Variants in ERCC6L2 observed in about 807,000 individuals in gnomAD.
ERCC6L2 encodes the protein ERCC excision repair 6 like 2, also known as DNA excision repair protein ERCC-6-like 2.
In ERCC6L2, 77 loss-of-function variants were observed where a neutral mutation model predicts 132.0. The ratio of observed to expected loss-of-function variants is 0.58; its 90% confidence interval spans 0.49 to 0.71. The LOEUF (loss-of-function observed/expected upper bound fraction) is 0.71, where lower values mean the gene tolerates loss of function less well. ERCC6L2 is among the 30% of genes least tolerant of loss of function. ERCC6L2 has a pLI of 0.00. For synonymous variants in ERCC6L2, 583 were observed against 632.4 expected (o/e 0.92, Z 1.17); for missense variants, 1,542 against 1,837.6 (o/e 0.84, Z 2.94).
intron 2 of ERCC6L2, among the ~76,000 whole-genome samples, chr9:95,882,823 G>A (rs1008266317): frequency 6.6e-6 from 1 of 152,128 alleles, no homozygotes; most frequent in African/African-American, 2.4e-5. Context: ...CACACTGGAC[G>A]TGCTAAATGA....
chr9:95,906,460 A>G (rs1031774255), intron 3 of ERCC6L2: 2 of 337,218 alleles, frequency 5.9e-6, no homozygotes, highest in South Asian at 2.3e-5. Context: ...GGAGAAGAAC[A>G]TGAGCAGCGT....
intron 17 of ERCC6L2, among the ~76,000 whole-genome samples, chr9:96,001,340 C>T (rs1338755493): frequency 6.6e-6 from 1 of 152,128 alleles, no homozygotes; most frequent in Non-Finnish European, 1.5e-5. Context: ...TTGGTGGAGC[C>T]GAGTGGCCTG....
chr9:95,899,600 A>ATGTGTGTGTGTGTG (rs56991965), intron 3 of ERCC6L2, among the ~76,000 whole-genome samples: 37 of 134,894 alleles, frequency 2.7e-4, no homozygotes, highest in East Asian at 1.3e-3. Flanking sequence ...TTATATATAT[A>ATGTGTGTGTGTGTG]TGTGTGTGTG....
Position 96,015,733 on chromosome 9 carries a change from G to A in ERCC6L2, c.*2530G>A, listed in dbSNP as rs1834173314. Among the ~76,000 whole-genome samples the A allele has an allele frequency of 1.3e-5, 2 of 152,102 alleles. No homozygotes were observed. The highest frequency in any genetic ancestry group is 2.4e-5 in the African/African-American group (1 of 41,428). On this transcript the variant is annotated 3_prime_UTR_variant, in exon 19 of 19. Coordinates refer to ENST00000653738, the MANE Select transcript of ERCC6L2 (RefSeq NM_020207.7). Reference sequence around the variant, plus strand: ...CAGGAGAATGGCGTGAACCTGGGAGGCAGAGCTTGCAGTGAGCCAGGATTG... The same window carrying A: ...CAGGAGAATGGCGTGAACCTGGGAGACAGAGCTTGCAGTGAGCCAGGATTG...
intron 4 of ERCC6L2, among the ~76,000 whole-genome samples, chr9:95,907,857 C>CAAACACACACACACACACACACACA: frequency 6.5e-4 from 87 of 133,806 alleles, no homozygotes; most frequent in Middle Eastern, 3.9e-3. Flanking sequence ...ACACACACAC[C>CAAACACACACACACACACACACACA]CCCACACCCA....
chr9:95,938,782 C>G (rs376579434), intron 11 of ERCC6L2, among the ~76,000 whole-genome samples: 10 of 151,928 alleles, frequency 6.6e-5, no homozygotes, highest in African/African-American at 2.4e-4. Context: ...GCCAATCTTA[C>G]GATTTTAAAT....
At chr9:95,899,260 G>A (rs1828630131) in intron 3 of ERCC6L2, among the ~76,000 whole-genome samples, 1 of 152,002 alleles carries the variant, frequency 6.6e-6, no homozygotes, top group South Asian at 2.1e-4. Flanking sequence ...GACCAGCTTG[G>A]GCAACATGTC....
chr9:95,949,190 G>A (rs1452933470), intron 12 of ERCC6L2, among the ~76,000 whole-genome samples: 1 of 151,990 alleles, frequency 6.6e-6, no homozygotes, highest in Non-Finnish European at 1.5e-5. Flanking sequence ...AATCTGAGGA[G>A]CAAAACAAAA....
chr9:95,923,476 G>A, intron 9 of ERCC6L2, 97 bp downstream of exon 9: 1 of 1,404,860 alleles, frequency 7.1e-7, no homozygotes, highest in Non-Finnish European at 9.8e-7. Flanking sequence ...CAGGTGCTCA[G>A]TCATTCAGAA....
At chr9:95,918,520 C>G (rs1182641319) in intron 6 of ERCC6L2, 3 of 491,420 alleles carry the variant, frequency 6.1e-6, no homozygotes, top group Non-Finnish European at 1.2e-5. Context: ...TACCTACTTG[C>G]TAAAGACAAA....
chr9:95,994,134 G>A (rs141727298), intron 17 of ERCC6L2, among the ~76,000 whole-genome samples: 59 of 152,302 alleles, frequency 3.9e-4, no homozygotes, highest in African/African-American at 1.3e-3. Context: ...ATGTTTTGTT[G>A]TTTTGACTGC....
At chr9:96,034,698 T>C (rs573613366) in intron 19 of ERCC6L2, among the ~76,000 whole-genome samples, 2 of 152,168 alleles carry the variant, frequency 1.3e-5, no homozygotes, top group African/African-American at 4.8e-5. Flanking sequence ...CCTTCTGAGT[T>C]TGGGTGGGAA....
intron 3 of ERCC6L2, among the ~76,000 whole-genome samples, chr9:95,901,905 G>T (rs1256434443): frequency 6.6e-6 from 1 of 152,092 alleles, no homozygotes; most frequent in African/African-American, 2.4e-5. Context: ...ATTTGTATTG[G>T]TTCATTTAAA....
At chr9:95,883,170 C>T (rs1254241589) in intron 2 of ERCC6L2, among the ~76,000 whole-genome samples, 6 of 152,182 alleles carry the variant, frequency 3.9e-5, no homozygotes, top group Admixed American at 3.3e-4. Flanking sequence ...GACACCAGGC[C>T]TCTCATTCAT....
At chr9:95,907,857 C>CAAACACACACACACACACACCCA in intron 4 of ERCC6L2, among the ~76,000 whole-genome samples, 1 of 133,740 alleles carries the variant, frequency 7.5e-6, no homozygotes, top group African/African-American at 2.8e-5. Flanking sequence ...ACACACACAC[C>CAAACACACACACACACACACCCA]CCCACACCCA....
At chr9:96,030,455 T>C (rs1209107306) in intron 19 of ERCC6L2, among the ~76,000 whole-genome samples, 4 of 152,110 alleles carry the variant, frequency 2.6e-5, no homozygotes, top group Non-Finnish European at 5.9e-5. Context: ...CCCAGCACTT[T>C]GGGAGGCCAA....
chr9:95,938,580 T>C (rs1830661199), intron 11 of ERCC6L2, among the ~76,000 whole-genome samples: 1 of 152,144 alleles, frequency 6.6e-6, no homozygotes, highest in Non-Finnish European at 1.5e-5. Context: ...ATTGTCCCTC[T>C]TTTAACTATT....
chr9:95,899,650 G>A (rs977403385), intron 3 of ERCC6L2, among the ~76,000 whole-genome samples: 1 of 144,832 alleles, frequency 6.9e-6, no homozygotes, highest in African/African-American at 2.6e-5. Flanking sequence ...ATGCATATGC[G>A]ATGTATCATA....
intron 13 of ERCC6L2, among the ~76,000 whole-genome samples, chr9:95,965,840 G>A (rs182920629): frequency 9.2e-5 from 14 of 152,222 alleles, no homozygotes; most frequent in South Asian, 8.3e-4. Flanking sequence ...TGATTTCTCC[G>A]TCAGTGGGCT....
Sources: gnomAD v4.1 joint callset for allele counts (sites outside exome capture counted in the v4.1 genomes callset) on GRCh38, gnomAD v4.1.1 for gene constraint, MANE v1.5 for transcripts, NCBI Gene and HGNC (gene_info 2026-07-23, HGNC 2026-07-21) for gene names.